The following CTNNA2 variants were observed in gnomAD, a reference collection of about 807,000 sequenced individuals.
The protein encoded by CTNNA2 is catenin alpha 2.
A neutral mutation model predicts 101.0 loss-of-function variants in CTNNA2; 42 were observed. The observed-to-expected ratio is 0.42, with a 90% confidence interval of 0.32 to 0.54. The LOEUF (loss-of-function observed/expected upper bound fraction) is 0.54, where lower values mean the gene tolerates loss of function less well. Among genes scored for constraint, CTNNA2 ranks in the 20% least tolerant of loss-of-function variants. The probability of loss-of-function intolerance (pLI) is 0.14; values close to 1 mark genes in which losing one functional copy is unlikely to be tolerated. For missense variants in CTNNA2, 871 were observed against 1,223.1 expected (o/e 0.71, Z 4.29); for synonymous variants, 450 against 456.4 (o/e 0.99, Z 0.18).
intron 7 of CTNNA2, among the ~76,000 whole-genome samples, chr2:80,226,082 A>G (rs1336698331): frequency 6.6e-6 from 1 of 152,140 alleles, no homozygotes; most frequent in Non-Finnish European, 1.5e-5. Flanking sequence ...TTTCTGTGGC[A>G]TTCATTATCA....
intron 7 of CTNNA2, among the ~76,000 whole-genome samples, chr2:80,331,487 C>T (rs1216946574): frequency 6.6e-6 from 1 of 152,052 alleles, no homozygotes; most frequent in Non-Finnish European, 1.5e-5. Context: ...AACAGAGATG[C>T]TCAGAAGGCC....
chr2:79,870,093 G>A (rs1682469551), intron 5 of CTNNA2, among the ~76,000 whole-genome samples, 158 bp downstream of exon 5: 1 of 152,158 alleles, frequency 6.6e-6, no homozygotes, highest in Non-Finnish European at 1.5e-5. Context: ...GGCCAGTTGT[G>A]ATGCCTTGGT....
intron 7 of CTNNA2, among the ~76,000 whole-genome samples, chr2:80,076,319 C>T (rs1698749464): frequency 1.3e-5 from 2 of 151,172 alleles, no homozygotes; most frequent in South Asian, 4.2e-4. Context: ...CACTCTGTTG[C>T]TAAGGCTGGA....
At chr2:79,328,175 A>T (rs1342865084) in intron 3 of CTNNA2, among the ~76,000 whole-genome samples, 4 of 152,160 alleles carry the variant, frequency 2.6e-5, no homozygotes, top group Non-Finnish European at 4.4e-5. Flanking sequence ...AAGAGAGCAC[A>T]ATATACAAAT....
chr2:80,038,445 G>A (rs1695809754), intron 7 of CTNNA2, among the ~76,000 whole-genome samples: 1 of 152,154 alleles, frequency 6.6e-6, no homozygotes, highest in Admixed American at 6.5e-5. Flanking sequence ...GTGAGGCCGG[G>A]CGCGGTGACT....
chr2:80,217,969 C>G (rs368678644), intron 7 of CTNNA2, among the ~76,000 whole-genome samples: 1 of 152,220 alleles, frequency 6.6e-6, no homozygotes, highest in Non-Finnish European at 1.5e-5. Flanking sequence ...GTTAATAACT[C>G]ATTATGATGT....
chr2:79,288,466 G>T (rs1214121593), intron 2 of CTNNA2, among the ~76,000 whole-genome samples: 1 of 152,204 alleles, frequency 6.6e-6, no homozygotes, highest in African/African-American at 2.4e-5. Context: ...TCAGGTAACT[G>T]CTGTAGCTGA....
At chr2:80,093,679 T>G (rs1699940930) in intron 7 of CTNNA2, among the ~76,000 whole-genome samples, 1 of 146,286 alleles carries the variant, frequency 6.8e-6, no homozygotes, top group Non-Finnish European at 1.5e-5. Context: ...TTTTCCTGAC[T>G]TTTTAATGAT....
intron 3 of CTNNA2, among the ~76,000 whole-genome samples, chr2:79,365,791 T>G (rs562042414): frequency 6.6e-6 from 1 of 152,328 alleles, no homozygotes; most frequent in Admixed American, 6.5e-5. Flanking sequence ...GCAACTTTGC[T>G]TTGTACACTC....
chr2:80,084,463 G>A (rs1699324656), intron 7 of CTNNA2, among the ~76,000 whole-genome samples: 2 of 152,036 alleles, frequency 1.3e-5, no homozygotes, highest in Admixed American at 1.3e-4. Flanking sequence ...CTTTTAGGAT[G>A]TCCAACCCAT....
chr2:79,604,672 G>A (rs994399586), intron 1 of CTNNA2, among the ~76,000 whole-genome samples: 9 of 152,200 alleles, frequency 5.9e-5, no homozygotes, highest in Middle Eastern at 3.2e-3. Context: ...AAAAGGATTA[G>A]AAGGGAATGT....
chr2:80,321,221 A>G (rs994533416), intron 7 of CTNNA2, among the ~76,000 whole-genome samples: 8 of 152,270 alleles, frequency 5.3e-5, no homozygotes, highest in Admixed American at 1.3e-4. Context: ...TTTAGTGTAT[A>G]GATTATAATA....
chr2:79,479,410 A>T (rs1367510890), intron 4 of CTNNA2, among the ~76,000 whole-genome samples: 1 of 152,190 alleles, frequency 6.6e-6, no homozygotes, highest in Non-Finnish European at 1.5e-5. Context: ...AACCACTTGA[A>T]ACTTTCCATT....
intron 1 of CTNNA2, among the ~76,000 whole-genome samples, chr2:79,581,322 T>TA: frequency 6.6e-6 from 1 of 152,150 alleles, no homozygotes; most frequent in African/African-American, 2.4e-5. Flanking sequence ...GGTCAGGAGT[T>TA]AGAGACCAGC....
chr2:80,576,375 T>TTTTTTTA (rs1253602206), intron 13 of CTNNA2: 1 of 149,968 alleles, frequency 6.7e-6, no homozygotes, highest in African/African-American at 2.5e-5. Context: ...ATGAAACCAT[T>TTTTTTTA]TTTTTTTTTT....
intron 7 of CTNNA2, among the ~76,000 whole-genome samples, chr2:80,240,387 C>T (rs1670830367): frequency 3.9e-5 from 6 of 152,184 alleles, no homozygotes; most frequent in Admixed American, 3.9e-4. Flanking sequence ...CCCTGCAACA[C>T]TCAATCTTTA....
intron 7 of CTNNA2, among the ~76,000 whole-genome samples, chr2:80,227,857 A>C (rs576022564): frequency 6.6e-6 from 1 of 152,262 alleles, no homozygotes; most frequent in Non-Finnish European, 1.5e-5. Flanking sequence ...AACAAAAAAA[A>C]ACAACTATTA....
chr2:80,573,262 T>G (rs571676864), intron 12 of CTNNA2: 30 of 152,360 alleles, frequency 2.0e-4, no homozygotes, highest in Admixed American at 1.8e-3. Context: ...CAGCATCTTT[T>G]AAGAAGTTAG....
chr2:79,327,052 T>C (rs1217948799), intron 3 of CTNNA2, among the ~76,000 whole-genome samples: 4 of 152,192 alleles, frequency 2.6e-5, no homozygotes, highest in South Asian at 2.1e-4. Context: ...AAAATGCCTG[T>C]AATAACAGCT....
Sources: gnomAD v4.1 joint callset for allele counts (sites outside exome capture counted in the v4.1 genomes callset) on GRCh38, gnomAD v4.1.1 for gene constraint, MANE v1.5 for transcripts, NCBI Gene and HGNC (gene_info 2026-07-23, HGNC 2026-07-21) for gene names.